LAMA2: variants seen among roughly 807,000 people sequenced by gnomAD.
LAMA2 encodes the protein laminin subunit alpha 2, also known as laminin subunit alpha-2.
A neutral mutation model predicts 364.8 loss-of-function variants in LAMA2; 269 were observed. The observed-to-expected ratio is 0.74, with a 90% CI of 0.67 to 0.82. LAMA2 has a LOEUF of 0.82. Among genes scored for constraint, LAMA2 ranks in the 40% least tolerant of loss-of-function variants. The pLI is 0.00. For missense variants in LAMA2, 3,807 were observed against 3,873.2 expected (o/e 0.98, Z 0.45); for synonymous variants, 1,379 against 1,370.6 (o/e 1.01, Z -0.14).
intron 30 of LAMA2, 73 bp from the exon 31 acceptor site, chr6:129,349,225 T>C: frequency 8.5e-7 from 1 of 1,170,520 alleles, no homozygotes; most frequent in Non-Finnish European, 1.3e-6. Flanking sequence ...ATAACCTTGA[T>C]CATGGATAGG....
At chr6:129,013,691 G>C (rs1399124381) in intron 1 of LAMA2, among the ~76,000 whole-genome samples, 1 of 152,056 alleles carries the variant, frequency 6.6e-6, no homozygotes, top group Non-Finnish European at 1.5e-5. Flanking sequence ...ATTTTAAGTA[G>C]AGATGCAGCT....
chr6:129,396,946 A>G (rs1436392067), intron 37 of LAMA2, among the ~76,000 whole-genome samples: 1 of 146,592 alleles, frequency 6.8e-6, no homozygotes, highest in Non-Finnish European at 1.5e-5. Context: ...ACAGCACTCC[A>G]GCCTGGATGA....
At chr6:128,949,888 T>C (rs1371973023) in intron 1 of LAMA2, among the ~76,000 whole-genome samples, 1 of 152,154 alleles carries the variant, frequency 6.6e-6, no homozygotes, top group Non-Finnish European at 1.5e-5. Flanking sequence ...GATGAACCAG[T>C]TTTAATTTTA....
chr6:129,116,289 A>G (rs546515316), intron 4 of LAMA2, among the ~76,000 whole-genome samples: 15 of 152,242 alleles, frequency 9.9e-5, no homozygotes, highest in Non-Finnish European at 2.9e-5. Context: ...ATTAAATGCA[A>G]TGTGCAATGT....
In LAMA2 at chr6:128,991,178, G is replaced by A. The variant is rs73773618; in HGVS notation, c.113-58740G>A. ...TTGTGATTTTTACTAATTTTTTTCC[G>A]TGAGAATAGAATCCTGCTGGGAAGC... On this transcript the variant is annotated intron_variant, in intron 1 of 64. Transcript: ENST00000421865. Among the ~76,000 whole-genome samples the A allele has an allele frequency of 6.2e-3, 943 of 152,026 alleles. 8 individuals carry two copies. The highest frequency in any genetic ancestry group is 0.019 in the African/African-American group (804 of 41,488).
At chr6:129,302,521 A>G (rs1773610768) in intron 22 of LAMA2, among the ~76,000 whole-genome samples, 1 of 152,012 alleles carries the variant, frequency 6.6e-6, no homozygotes, top group Non-Finnish European at 1.5e-5. Context: ...TCTATAGTCC[A>G]TACTTTTTAT....
At chr6:128,958,824 A>G (rs1200951797) in intron 1 of LAMA2, among the ~76,000 whole-genome samples, 4 of 152,144 alleles carry the variant, frequency 2.6e-5, no homozygotes, top group Non-Finnish European at 5.9e-5. Flanking sequence ...TGACTGATCT[A>G]TCTCAGCTGT....
intron 1 of LAMA2, among the ~76,000 whole-genome samples, chr6:128,994,265 C>T (rs1310362920): frequency 6.6e-6 from 1 of 152,198 alleles, no homozygotes; most frequent in Non-Finnish European, 1.5e-5. Context: ...AGTCAGTTTA[C>T]AGCTAGCTAG....
intron 8 of LAMA2, among the ~76,000 whole-genome samples, chr6:129,159,294 A>G (rs1779317474): frequency 6.6e-6 from 1 of 152,186 alleles, no homozygotes; most frequent in African/African-American, 2.4e-5. Context: ...GGCTAGATAA[A>G]ACTGTACTTC....
At chr6:129,178,010 G>A (rs1024225064) in intron 10 of LAMA2, 144 bp downstream of exon 10, 1 of 838,392 alleles carries the variant, frequency 1.2e-6, no homozygotes, top group Admixed American at 2.0e-5. Flanking sequence ...GACCCACCAG[G>A]TTCACTGTAG....
intron 42 of LAMA2, among the ~76,000 whole-genome samples, chr6:129,439,067 C>G (rs1408762362): frequency 4.3e-5 from 6 of 139,338 alleles, no homozygotes; most frequent in African/African-American, 1.9e-4. Context: ...GGTTCCAGGA[C>G]CCCCCCCCAC....
chr6:128,915,302 A>G (rs377085253), intron 1 of LAMA2, among the ~76,000 whole-genome samples: 3 of 152,230 alleles, frequency 2.0e-5, no homozygotes, highest in Non-Finnish European at 4.4e-5. Context: ...AAAAAAATAC[A>G]TACACATACG....
At chr6:129,082,679 G>A (rs1294723458) in intron 3 of LAMA2, among the ~76,000 whole-genome samples, 1 of 151,772 alleles carries the variant, frequency 6.6e-6, no homozygotes, top group Non-Finnish European at 1.5e-5. Flanking sequence ...AGCCTCTCTG[G>A]ATATTGAATA....
chr6:129,084,698 C>T (rs4144420), intron 3 of LAMA2, among the ~76,000 whole-genome samples: 144,442 of 152,178 alleles, frequency 0.95, 68,617 homozygotes, highest in East Asian at 0.97. Flanking sequence ...TCCTTTTCAC[C>T]ATTTGCAGTA....
At chr6:129,035,150 T>C (rs1786528963) in intron 1 of LAMA2, among the ~76,000 whole-genome samples, 2 of 152,160 alleles carry the variant, frequency 1.3e-5, no homozygotes, top group South Asian at 4.1e-4. Flanking sequence ...ATATCTAATA[T>C]TTTTTGACTT....
At chr6:128,935,140 T>G (rs1483395172) in intron 1 of LAMA2, among the ~76,000 whole-genome samples, 1 of 152,192 alleles carries the variant, frequency 6.6e-6, no homozygotes, top group African/African-American at 2.4e-5. Context: ...GGTATACATG[T>G]GCCATGTTGG....
chr6:128,887,066 T>A (rs1192062885), intron 1 of LAMA2, among the ~76,000 whole-genome samples: 2 of 152,244 alleles, frequency 1.3e-5, no homozygotes, highest in African/African-American at 4.8e-5. Flanking sequence ...AATGTGTTTT[T>A]AAATCCCTTC....
intron 45 of LAMA2, 124 bp downstream of exon 45, chr6:129,445,945 G>A (rs1020560977): frequency 1.8e-5 from 17 of 929,618 alleles, no homozygotes; most frequent in East Asian, 5.2e-5. Flanking sequence ...AACTCGAAGC[G>A]ATTTGGGGTA....
chr6:129,011,920 T>G (rs1474596508), intron 1 of LAMA2, among the ~76,000 whole-genome samples: 1 of 152,226 alleles, frequency 6.6e-6, no homozygotes, highest in Non-Finnish European at 1.5e-5. Flanking sequence ...CAGACAAACA[T>G]TGTAGAAGCA....
Sources: gnomAD v4.1 joint callset for allele counts (sites outside exome capture counted in the v4.1 genomes callset) on GRCh38, gnomAD v4.1.1 for gene constraint, MANE v1.5 for transcripts, NCBI Gene and HGNC (gene_info 2026-07-23, HGNC 2026-07-21) for gene names.